Variants in CSMD1 observed in about 807,000 individuals in gnomAD.
CSMD1 encodes the protein CUB and sushi domain-containing protein 1.
In CSMD1, 213 loss-of-function variants were observed where a neutral mutation model predicts 417.5. That is an observed-to-expected ratio of 0.51 (90% CI 0.46 to 0.57). The LOEUF (loss-of-function observed/expected upper bound fraction) is 0.57. Ranked by LOEUF, CSMD1 falls within the 20% of genes least tolerant of loss-of-function variation. CSMD1 has a pLI of 0.00. For synonymous variants in CSMD1, 2,862 were observed against 1,736.8 expected (o/e 1.65, Z -16.11); for missense variants, 6,923 against 4,529.7 (o/e 1.53, Z -15.17).
chr8:3,874,494 A>G (rs79942928), intron 5 of CSMD1, among the ~76,000 whole-genome samples: 142 of 152,306 alleles, frequency 9.3e-4, no homozygotes, highest in African/African-American at 3.3e-3. Flanking sequence ...TTCTTTTATG[A>G]CGTTGCATTG....
At chr8:4,401,415 T>C in intron 3 of CSMD1, among the ~76,000 whole-genome samples, 1 of 152,142 alleles carries the variant, frequency 6.6e-6, no homozygotes, top group African/African-American at 2.4e-5. Context: ...CCACAACTAT[T>C]TTATATTATT....
intron 3 of CSMD1, among the ~76,000 whole-genome samples, chr8:4,418,008 T>C (rs1797040719): frequency 1.3e-5 from 2 of 152,064 alleles, no homozygotes; most frequent in Admixed American, 6.6e-5. Context: ...ATAATTTTTC[T>C]CCAAATAACG....
chr8:4,207,245 C>T lies in CSMD1; in HGVS notation c.416-175146G>A, dbSNP rs923774991. Among the ~76,000 whole-genome samples, 3 of 152,170 alleles carry T rather than the reference C, an allele frequency of 2.0e-5. No individual in the cohort carries two copies. The East Asian group carries it at 5.8e-4, about 29-fold the overall frequency. ...ATAACATGCAAATATAGCCAGCATT[C>T]CCATTATTTCAAGTGACAGAATGAA... On this transcript the variant is annotated intron_variant, in intron 3 of 69. Transcript: ENST00000635120.
intron 31 of CSMD1, among the ~76,000 whole-genome samples, chr8:3,203,842 C>T (rs1047597616): frequency 2.6e-5 from 4 of 152,154 alleles, no homozygotes; most frequent in African/African-American, 2.4e-5. Flanking sequence ...AATATCGCTT[C>T]GCATTTTCAG....
chr8:2,950,119 G>T, intron 67 of CSMD1, 112 bp downstream of exon 67: 1 of 678,110 alleles, frequency 1.5e-6, no homozygotes, highest in Non-Finnish European at 2.6e-6. Flanking sequence ...GTTTTCAAGG[G>T]GCAGACACAA....
At chr8:4,242,342 G>C (rs113167268) in intron 3 of CSMD1, among the ~76,000 whole-genome samples, 38 of 152,036 alleles carry the variant, frequency 2.5e-4, no homozygotes, top group African/African-American at 8.7e-4. Flanking sequence ...ATGAAAATTT[G>C]CAACCTCCCT....
At chr8:3,462,959 G>C (rs1014672250) in intron 12 of CSMD1, among the ~76,000 whole-genome samples, 2 of 152,198 alleles carry the variant, frequency 1.3e-5, no homozygotes, top group African/African-American at 4.8e-5. Flanking sequence ...CCCTTGTGAA[G>C]GATGTCCAGG....
At chr8:3,670,503 T>TATATATATATCCCATATATATATCCC in intron 7 of CSMD1, among the ~76,000 whole-genome samples, 1 of 139,960 alleles carries the variant, frequency 7.1e-6, no homozygotes, top group African/African-American at 2.6e-5. Flanking sequence ...ATATATCCCA[T>TATATATATATCCCATATATATATCCC]ATATATATAT....
chr8:4,892,381 A>T (rs73185737), intron 1 of CSMD1, among the ~76,000 whole-genome samples: 11,435 of 152,066 alleles, frequency 0.075, 555 homozygotes, highest in South Asian at 0.12. Context: ...AGCAAGGGGG[A>T]GTTGAGAATC....
intron 23 of CSMD1, among the ~76,000 whole-genome samples, chr8:3,321,710 G>C (rs148918707): frequency 6.6e-6 from 1 of 152,094 alleles, no homozygotes; most frequent in Admixed American, 6.5e-5. Context: ...AAGTGCTTTT[G>C]ATTCAAATAA....
intron 7 of CSMD1, among the ~76,000 whole-genome samples, chr8:3,706,061 C>A (rs80081705): frequency 0.037 from 5,591 of 152,314 alleles, 145 homozygotes; most frequent in Non-Finnish European, 0.053. Flanking sequence ...GCCTAAGGCA[C>A]GCATGACGCG....
intron 3 of CSMD1, among the ~76,000 whole-genome samples, chr8:4,405,945 G>A (rs1167712549): frequency 1.3e-5 from 2 of 152,192 alleles, no homozygotes; most frequent in East Asian, 1.9e-4. Context: ...AGTATCCTGA[G>A]TAATGCCTTC....
chr8:3,611,250 T>TA (rs35781024), intron 8 of CSMD1, among the ~76,000 whole-genome samples: 36 of 149,922 alleles, frequency 2.4e-4, no homozygotes, highest in South Asian at 4.3e-4. Context: ...AAAGTTAAAT[T>TA]AAAAAAAAAA....
chr8:2,988,015 T>C (rs998771008), intron 54 of CSMD1, among the ~76,000 whole-genome samples: 1 of 152,234 alleles, frequency 6.6e-6, no homozygotes, highest in Non-Finnish European at 1.5e-5. Context: ...CCGCATGCGT[T>C]AGCTATTTTT....
chr8:3,354,880 T>TATAG (rs1200609560), intron 21 of CSMD1, among the ~76,000 whole-genome samples: 2 of 150,020 alleles, frequency 1.3e-5, no homozygotes, highest in Non-Finnish European at 3.0e-5. Flanking sequence ...TACATATATC[T>TATAG]ATAGATATGT....
chr8:3,233,803 C>T (rs1444814087), intron 26 of CSMD1, among the ~76,000 whole-genome samples: 1 of 152,186 alleles, frequency 6.6e-6, no homozygotes. Flanking sequence ...AAGGTACACC[C>T]ATCCAGAGGA....
At chr8:3,980,589 T>A (rs1813783630) in intron 5 of CSMD1, among the ~76,000 whole-genome samples, 2 of 152,196 alleles carry the variant, frequency 1.3e-5, no homozygotes, top group African/African-American at 4.8e-5. Context: ...TTTCCCCCCT[T>A]GTTAATTTGT....
intron 7 of CSMD1, among the ~76,000 whole-genome samples, chr8:3,705,190 G>A (rs1433433066): frequency 6.6e-6 from 1 of 152,162 alleles, no homozygotes; most frequent in Admixed American, 6.5e-5. Context: ...ACTGAGCTGT[G>A]GCTGCTTTCT....
At chr8:4,816,410 G>C (rs1799211755) in intron 1 of CSMD1, among the ~76,000 whole-genome samples, 2 of 151,926 alleles carry the variant, frequency 1.3e-5, no homozygotes, top group Admixed American at 1.3e-4. Context: ...TGGGGTGGTG[G>C]AGTGAGGGCG....
Sources: allele counts gnomAD v4.1 joint callset (sites outside exome capture counted in the v4.1 genomes callset), GRCh38; gene constraint gnomAD v4.1.1; transcripts MANE v1.5; gene names NCBI Gene and HGNC (gene_info 2026-07-23, HGNC 2026-07-21).